The following PDE4D variants were observed in gnomAD, a reference collection of about 807,000 sequenced individuals.
PDE4D encodes the protein 3',5'-cyclic-AMP phosphodiesterase 4D.
A neutral mutation model predicts 87.4 loss-of-function variants in PDE4D; 24 were observed. The ratio of observed to expected loss-of-function variants is 0.27; its 90% confidence interval spans 0.20 to 0.39. PDE4D has a LOEUF of 0.39. Among genes scored for constraint, PDE4D ranks in the 10% least tolerant of loss-of-function variants. The pLI is 1.00. For synonymous variants in PDE4D, 384 were observed against 383.2 expected (o/e 1.00, Z -0.02); for missense variants, 714 against 1,041.0 (o/e 0.69, Z 4.32).
intron 1 of PDE4D, among the ~76,000 whole-genome samples, chr5:59,571,199 C>CA (rs1821789867): frequency 6.6e-6 from 1 of 152,166 alleles, no homozygotes; most frequent in Non-Finnish European, 1.5e-5. Context: ...AGCACATTTG[C>CA]AATAGGCATT....
intron 5 of PDE4D, among the ~76,000 whole-genome samples, chr5:59,099,604 C>T (rs899840651): frequency 6.6e-6 from 1 of 152,240 alleles, no homozygotes. Context: ...GAATGTTCCA[C>T]ACTCATGGGT....
intron 1 of PDE4D, among the ~76,000 whole-genome samples, chr5:59,667,018 C>G (rs779993175): frequency 2.0e-5 from 3 of 152,146 alleles, no homozygotes; most frequent in Non-Finnish European, 4.4e-5. Flanking sequence ...ATGTGTCAGT[C>G]TGGGTCAAGT....
chr5:59,599,916 T>C (rs1827255106), intron 1 of PDE4D, among the ~76,000 whole-genome samples: 1 of 152,212 alleles, frequency 6.6e-6, no homozygotes, highest in Non-Finnish European at 1.5e-5. Flanking sequence ...CATCGTAAGA[T>C]GGCATCACAT....
At chr5:59,496,690 C>T (rs1807273555) in intron 1 of PDE4D, among the ~76,000 whole-genome samples, 1 of 152,158 alleles carries the variant, frequency 6.6e-6, no homozygotes, top group Admixed American at 6.5e-5. Context: ...AACAGGAGCA[C>T]TGCGCTAGCC....
chr5:60,413,558 G>C (rs554755234), intron 1 of PDE4D, among the ~76,000 whole-genome samples: 5 of 152,082 alleles, frequency 3.3e-5, no homozygotes, highest in African/African-American at 1.2e-4. Context: ...AGGGCATAAG[G>C]TACTTTTAAT....
chr5:59,413,905 T>C (rs948118545), intron 1 of PDE4D, among the ~76,000 whole-genome samples: 3 of 152,212 alleles, frequency 2.0e-5, no homozygotes, highest in African/African-American at 7.2e-5. Flanking sequence ...TATCTACAAA[T>C]ACATGTGCAC....
intron 3 of PDE4D, among the ~76,000 whole-genome samples, chr5:59,974,550 A>C (rs1452567921): frequency 6.6e-6 from 1 of 152,174 alleles, no homozygotes; most frequent in Non-Finnish European, 1.5e-5. Context: ...TAGGAACCCA[A>C]GGACACCATT....
intron 1 of PDE4D, among the ~76,000 whole-genome samples, chr5:59,827,107 T>A (rs1456595564): frequency 6.6e-6 from 1 of 151,970 alleles, no homozygotes; most frequent in Non-Finnish European, 1.5e-5. Flanking sequence ...AGATAAAAAA[T>A]TTTGATTGCC....
intron 1 of PDE4D, among the ~76,000 whole-genome samples, chr5:60,363,935 T>C (rs1760300178): frequency 6.6e-6 from 1 of 152,200 alleles, no homozygotes. Flanking sequence ...ATCTTTACCT[T>C]ATGTGGAATA....
intron 1 of PDE4D, among the ~76,000 whole-genome samples, chr5:60,450,774 T>C (rs1362059835): frequency 3.3e-5 from 5 of 152,104 alleles, no homozygotes; most frequent in Non-Finnish European, 7.4e-5. Context: ...CATGGTGATA[T>C]CTATCTTCAA....
intron 1 of PDE4D, among the ~76,000 whole-genome samples, chr5:59,606,655 A>G (rs936701169): frequency 6.6e-6 from 1 of 152,114 alleles, no homozygotes; most frequent in Admixed American, 6.6e-5. Flanking sequence ...GGATGCAATT[A>G]TGGAAAGAGT....
Position 59,498,950 on chromosome 5 carries a change from C to T in PDE4D, c.456-282982G>A, listed in dbSNP as rs544942671. On this transcript the variant is annotated intron_variant, in intron 1 of 14. Transcript: ENST00000340635. ...TAATAGACATCTATAGAATACTCCACCCAACAACTACAGAATATGCATTCT... is the reference window on the plus strand; with the variant it reads ...TAATAGACATCTATAGAATACTCCATCCAACAACTACAGAATATGCATTCT... Among the ~76,000 whole-genome samples, 86 of 152,130 alleles carry T rather than the reference C, an allele frequency of 5.7e-4. 1 individual carries two copies. The highest frequency in any genetic ancestry group is 2.0e-3 in the African/African-American group (84 of 41,526).
At chr5:59,071,888 C>T (rs528354446) in intron 5 of PDE4D, among the ~76,000 whole-genome samples, 133 of 151,958 alleles carry the variant, frequency 8.8e-4, no homozygotes, top group African/African-American at 3.0e-3. Context: ...GGGGTTTCAC[C>T]ATATTGGCCA....
chr5:60,063,936 T>A (rs181266112), intron 2 of PDE4D, among the ~76,000 whole-genome samples: 18 of 151,992 alleles, frequency 1.2e-4, no homozygotes, highest in African/African-American at 4.3e-4. Context: ...TAGGATGGAG[T>A]AGGGGTCAGC....
intron 6 of PDE4D, among the ~76,000 whole-genome samples, chr5:59,037,170 C>T (rs192438534): frequency 6.6e-6 from 1 of 152,218 alleles, no homozygotes; most frequent in Admixed American, 6.5e-5. Context: ...AGTTTTAAAT[C>T]CAAACATAGA....
Position 59,038,816 on chromosome 5 carries a change from T to G in PDE4D, c.921+43A>C, listed in dbSNP as rs777980541. 1.1e-5 allele frequency: 15 copies of G among 1,427,548 alleles called. No individual in the cohort carries two copies. In the African/African-American group the frequency reaches 2.2e-4, roughly 21 times the overall value. The allele number at this position is 1,427,548 out of a possible 1,614,324, so 88.4% of individuals were successfully genotyped here. On this transcript the variant is annotated intron_variant, in intron 6 of 14. Coordinates refer to ENST00000340635, the MANE Select transcript of PDE4D (RefSeq NM_001104631.2). ...TACCAGTGGCTCGCCGGCATGGGAA[T>G]CAGCAGCCTGGGGGCACCAGTGACA...
In PDE4D at chr5:60,354,189, T is replaced by C. The variant is rs190992200; in HGVS notation, c.-90+133753A>G. Among the ~76,000 whole-genome samples, 331 of 152,306 alleles carry C rather than the reference T, an allele frequency of 2.2e-3. 1 individual carries two copies. The highest frequency in any genetic ancestry group is 3.2e-3 in the Non-Finnish European group (218 of 68,010). ...AAGAAAATGGGGGAAAGGAGGTATA[T>C]TTGAATCATCACTCTCATTTGACTA... On this transcript the variant is annotated intron_variant, in intron 1 of 16. Transcript: ENST00000502484.
At chr5:60,281,755 G>A (rs116452179) in intron 1 of PDE4D, among the ~76,000 whole-genome samples, 138 of 152,170 alleles carry the variant, frequency 9.1e-4, no homozygotes, top group African/African-American at 3.0e-3. Flanking sequence ...AGAAGGGGCC[G>A]AGCATGGTGG....
intron 5 of PDE4D, among the ~76,000 whole-genome samples, chr5:59,155,404 A>C (rs1465816365): frequency 2.6e-5 from 4 of 152,202 alleles, no homozygotes; most frequent in Non-Finnish European, 5.9e-5. Flanking sequence ...TTTAAGAAGA[A>C]GAAGCCTCTA....
Sources: gnomAD v4.1 joint callset for allele counts (sites outside exome capture counted in the v4.1 genomes callset) on GRCh38, gnomAD v4.1.1 for gene constraint, MANE v1.5 for transcripts, NCBI Gene and HGNC (gene_info 2026-07-23, HGNC 2026-07-21) for gene names.